BLTP3A: variants seen among roughly 807,000 people sequenced by gnomAD.
The protein encoded by BLTP3A is bridge-like lipid transfer protein family member 3A.
the BLTP3A span, among the ~76,000 whole-genome samples, chr6:34,831,129 T>C: frequency 2.8e-5 from 2 of 70,468 alleles, no homozygotes; most frequent in African/African-American, 1.8e-4. Flanking sequence ...TCACTCTTAA[T>C]TTTTTTTTTT....
At chr6:34,866,264 G>C in the BLTP3A span, among the ~76,000 whole-genome samples, 2 of 152,026 alleles carry the variant, frequency 1.3e-5, no homozygotes, top group African/African-American at 2.4e-5. Context: ...ATTAGCCAGG[G>C]ATGGTGGCGT....
the BLTP3A span, chr6:34,870,871 T>A: frequency 6.2e-7 from 1 of 1,614,172 alleles, no homozygotes; most frequent in Non-Finnish European, 8.5e-7. Flanking sequence ...CTTTCAGGAA[T>A]CCTCAACTTT....
At chr6:34,846,302 G>A in the BLTP3A span, among the ~76,000 whole-genome samples, 2 of 151,594 alleles carry the variant, frequency 1.3e-5, no homozygotes, top group African/African-American at 4.8e-5. Flanking sequence ...CCACCACCAC[G>A]CCTAGCTAAT....
the BLTP3A span, chr6:34,872,338 A>C: frequency 6.2e-7 from 1 of 1,610,468 alleles, no homozygotes; most frequent in Admixed American, 1.7e-5. Context: ...ATCCTACAAA[A>C]AGAACTTATA....
the BLTP3A span, among the ~76,000 whole-genome samples, chr6:34,826,357 C>CT: frequency 0.018 from 2,395 of 135,380 alleles, 39 homozygotes; most frequent in African/African-American, 0.045. Flanking sequence ...TTACATCCTA[C>CT]TTTTTTTTTT....
the BLTP3A span, chr6:34,872,694 A>G: frequency 3.1e-6 from 1 of 319,202 alleles, no homozygotes; most frequent in East Asian, 5.4e-5. Flanking sequence ...TCTTGCCTGT[A>G]TAAAGCCTTT....
At chr6:34,875,886 T>C in the BLTP3A span, 2 of 152,650 alleles carry the variant, frequency 1.3e-5, no homozygotes, top group South Asian at 2.1e-4. Context: ...GGACTGCTTA[T>C]GATTTCTGCC....
At chr6:34,854,046 AC>A in the BLTP3A span, among the ~76,000 whole-genome samples, 1 of 151,492 alleles carries the variant, frequency 6.6e-6, no homozygotes, top group Non-Finnish European at 1.5e-5. Flanking sequence ...ACATGGTGAA[AC>A]CCCGTCTCTA....
At chr6:34,866,675 C>T in the BLTP3A span, among the ~76,000 whole-genome samples, 1 of 152,212 alleles carries the variant, frequency 6.6e-6, no homozygotes, top group Non-Finnish European at 1.5e-5. Flanking sequence ...TTACTACTGT[C>T]TATCTGCAGG....
the BLTP3A span, among the ~76,000 whole-genome samples, chr6:34,798,929 C>T: frequency 6.6e-6 from 1 of 152,040 alleles, no homozygotes; most frequent in African/African-American, 2.4e-5. Context: ...GATCTTTAGG[C>T]TACCCTGGAT....
chr6:34,805,926 A>G, the BLTP3A span, among the ~76,000 whole-genome samples: 1 of 151,924 alleles, frequency 6.6e-6, no homozygotes, highest in African/African-American at 2.4e-5. Context: ...AAAGGTATTT[A>G]TTTCTCTGTC....
At chr6:34,802,481 C>T in the BLTP3A span, among the ~76,000 whole-genome samples, 13 of 151,902 alleles carry the variant, frequency 8.6e-5, no homozygotes, top group South Asian at 4.2e-4. Context: ...GCGATTCTCC[C>T]GCCTCAGCCT....
the BLTP3A span, among the ~76,000 whole-genome samples, chr6:34,823,968 GGTCTCA>G: frequency 6.6e-6 from 1 of 151,064 alleles, no homozygotes; most frequent in African/African-American, 2.4e-5. Flanking sequence ...TTTGAGATGG[GGTCTCA>G]CCCTGTCACC....
the BLTP3A span, among the ~76,000 whole-genome samples, chr6:34,814,477 T>A: frequency 1.8e-3 from 276 of 152,352 alleles, 1 homozygote; most frequent in African/African-American, 6.5e-3. Context: ...GTATATATGT[T>A]ATATCATTAT....
At chr6:34,805,120 T>C in the BLTP3A span, among the ~76,000 whole-genome samples, 1 of 150,640 alleles carries the variant, frequency 6.6e-6, no homozygotes, top group Non-Finnish European at 1.5e-5. Context: ...ATAGCAAGAC[T>C]CCAATTCTAC....
chr6:34,798,594 C>CT, the BLTP3A span, among the ~76,000 whole-genome samples: 4,340 of 94,522 alleles, frequency 0.046, 113 homozygotes, highest in Middle Eastern at 0.079. Flanking sequence ...TTCTTTCTTT[C>CT]TTTTTTTTTT....
At chr6:34,795,649 C>A in the BLTP3A span, among the ~76,000 whole-genome samples, 5 of 151,806 alleles carry the variant, frequency 3.3e-5, no homozygotes, top group Non-Finnish European at 7.4e-5. Flanking sequence ...GATCCGCCTG[C>A]CTCAGCCTCC....
At chr6:34,846,901 CTGTTGTATATACATTT>C in the BLTP3A span, among the ~76,000 whole-genome samples, 3 of 152,084 alleles carry the variant, frequency 2.0e-5, no homozygotes, top group Non-Finnish European at 4.4e-5. Context: ...AGGTACAGGT[CTGTTGTATATACATTT>C]TGTTATGTTG....
At chr6:34,845,611 T>A in the BLTP3A span, among the ~76,000 whole-genome samples, 2 of 151,630 alleles carry the variant, frequency 1.3e-5, no homozygotes, top group African/African-American at 4.8e-5. Flanking sequence ...TATTATTATT[T>A]TTTGAGATGG....
Sources: gnomAD v4.1 joint callset for allele counts (sites outside exome capture counted in the v4.1 genomes callset) on GRCh38, gnomAD v4.1.1 for gene constraint, MANE v1.5 for transcripts, NCBI Gene and HGNC (gene_info 2026-07-23, HGNC 2026-07-21) for gene names.